Variants in TSTD2 observed in about 807,000 individuals in gnomAD.
The protein encoded by TSTD2 is thiosulfate sulfurtransferase like domain containing 2, also known as thiosulfate sulfurtransferase/rhodanese-like domain-containing protein 2.
A neutral mutation model predicts 47.9 loss-of-function variants in TSTD2; 37 were observed. That is an observed-to-expected ratio of 0.77 (90% CI 0.59 to 1.02). TSTD2 has a LOEUF of 1.02. Ranked by LOEUF, TSTD2 falls within the 50% of genes least tolerant of loss-of-function variation. The probability of loss-of-function intolerance (pLI) is 0.00; values close to 1 mark genes in which losing one functional copy is unlikely to be tolerated. For synonymous variants in TSTD2, 201 were observed against 215.9 expected (o/e 0.93, Z 0.61); for missense variants, 586 against 616.0 (o/e 0.95, Z 0.52).
chr9:97,605,380 TG>T (rs1826347460), intron 8 of TSTD2, 102 bp downstream of exon 8: 3 of 1,441,710 alleles, frequency 2.1e-6, no homozygotes, highest in African/African-American at 1.4e-5. Flanking sequence ...TTTGGCTGCC[TG>T]GGGGTGGGGA....
chr9:97,600,318 A>AG lies in TSTD2; in HGVS notation c.*2150dup. 1.0e-6 allele frequency: 1 copy of AG among 986,166 alleles called. No individual in the cohort carries two copies. The highest frequency in any genetic ancestry group is 1.2e-6 in the Non-Finnish European group (1 of 830,180). 61.1% of individuals were successfully genotyped at this position (986,166 alleles called of 1,614,324 possible). On this transcript the variant is annotated 3_prime_UTR_variant, in exon 10 of 10. Coordinates refer to ENST00000341170, the MANE Select transcript of TSTD2 (RefSeq NM_139246.5). ...CTTTTGCTGGATATGCAGAAATGAT[A>AG]GGAAAAAAACCAATGGTGAAATTTC...
At position 97,601,583 on chromosome 9, in the gene TSTD2, C is replaced by T; in HGVS notation, c.*886G>A. 1.0e-6 allele frequency: 1 copy of T among 987,454 alleles called. No homozygotes were observed. Among genetic ancestry groups the T allele is most frequent in the Non-Finnish European group, 1.2e-6 (1 of 831,358 alleles). 61.2% of individuals were successfully genotyped at this position (987,454 alleles called of 1,614,324 possible). A position where few individuals can be genotyped will look rare whatever the true frequency, so the allele number is the denominator to read the frequency against. ...TGCCTCTATCAGATGAGCTGCTGGT[C>T]TAGATCAGGGGCTGGCAAACTTTTC... On this transcript the variant is annotated 3_prime_UTR_variant, in exon 10 of 10. Coordinates refer to ENST00000341170, the MANE Select transcript of TSTD2 (RefSeq NM_139246.5).
At chr9:97,621,525 G>A (rs1441543291) in intron 3 of TSTD2, among the ~76,000 whole-genome samples, 8 of 152,150 alleles carry the variant, frequency 5.3e-5, no homozygotes, top group African/African-American at 1.7e-4. Context: ...AAGAAATATC[G>A]CTGAATTCTT....
At chr9:97,621,992 A>T (rs772495698) in intron 3 of TSTD2, among the ~76,000 whole-genome samples, 3 of 152,084 alleles carry the variant, frequency 2.0e-5, no homozygotes, top group Non-Finnish European at 4.4e-5. Flanking sequence ...CCAACATGTG[A>T]AGCGACCCCC....
intron 3 of TSTD2, among the ~76,000 whole-genome samples, chr9:97,622,851 A>G (rs1428612940): frequency 6.6e-6 from 1 of 152,188 alleles, no homozygotes; most frequent in Non-Finnish European, 1.5e-5. Context: ...GGCTGTATTT[A>G]CTCAATGCCT....
chr9:97,631,939 C>G (rs1010272047), intron 1 of TSTD2, among the ~76,000 whole-genome samples: 10 of 152,162 alleles, frequency 6.6e-5, no homozygotes, highest in Non-Finnish European at 2.9e-5. Flanking sequence ...CTGATCTCAT[C>G]TACCACTCTC....
chr9:97,602,920 CT>C (rs1437441266), intron 9 of TSTD2, 153 bp from the exon 10 acceptor site: 190 of 681,656 alleles, frequency 2.8e-4, no homozygotes, highest in Non-Finnish European at 4.1e-4. Flanking sequence ...GCAACAACAA[CT>C]AACCACCACC....
At chr9:97,618,960 A>G (rs79980044) in intron 3 of TSTD2, among the ~76,000 whole-genome samples, 4,472 of 152,288 alleles carry the variant, frequency 0.029, 228 homozygotes, top group African/African-American at 0.1. Context: ...ACCCGTTATC[A>G]TCTGCTAATT....
In TSTD2 at chr9:97,602,365, G is replaced by A; in HGVS notation, c.*104C>T. ...TGCCACGGTGGCAGCGGCCAGAACT[G>A]AAGTTCCCGATTTCTCTGTTTCTGC... On this transcript the variant is annotated 3_prime_UTR_variant, in exon 10 of 10. Transcript: ENST00000341170. 2.9e-6 allele frequency: 4 copies of A among 1,382,214 alleles called. No homozygotes were observed. The highest frequency in any genetic ancestry group is 2.8e-5 in the Admixed American group (1 of 35,178). 85.6% of individuals were successfully genotyped at this position (1,382,214 alleles called of 1,614,324 possible). A position where few individuals can be genotyped will look rare whatever the true frequency, so the allele number is the denominator to read the frequency against.
intron 3 of TSTD2, among the ~76,000 whole-genome samples, chr9:97,621,602 G>T (rs117906157): frequency 6.6e-6 from 1 of 152,176 alleles, no homozygotes; most frequent in Non-Finnish European, 1.5e-5. Flanking sequence ...GGACACTCTG[G>T]GGGTGTCTGC....
In TSTD2 at chr9:97,604,754, G is replaced by C. The variant is rs780347726; in HGVS notation, c.1225C>G (p.Leu409Val). ...GACACCACATCACTGTTGTAGGACAGAGCATAGCGTTCATCAAAAACAAAC... is the reference window on the plus strand; with the variant it reads ...GACACCACATCACTGTTGTAGGACACAGCATAGCGTTCATCAAAAACAAAC... Reference protein sequence around the residue: ...KLFVFDERYALSYNSDVVSEC... With the variant: ...KLFVFDERYAVSYNSDVVSEC... Residue 409 changes from leucine (L) to valine (V), a missense_variant, in exon 9 of 10, where the codon CTG becomes GTG. Physicochemically the swap from Leu to Val is conservative, Grantham distance 32. Transcript: ENST00000341170. 5 of 1,614,212 alleles carry C rather than the reference G, an allele frequency of 3.1e-6. No individual in the cohort carries two copies. Among genetic ancestry groups the C allele is most frequent in the African/African-American group, 2.7e-5 (2 of 75,046 alleles).
At chr9:97,613,240 T>C (rs1826487173) in intron 4 of TSTD2, among the ~76,000 whole-genome samples, 1 of 152,210 alleles carries the variant, frequency 6.6e-6, no homozygotes, top group African/African-American at 2.4e-5. Context: ...ATCTGAGGGC[T>C]GAGGGTATAC....
intron 3 of TSTD2, 74 bp downstream of exon 3, chr9:97,625,607 G>T: frequency 1.4e-6 from 2 of 1,403,906 alleles, no homozygotes; most frequent in Non-Finnish European, 1.9e-6. Flanking sequence ...CCATTTTAAT[G>T]GGTGAATTGT....
chr9:97,617,649 T>G, intron 4 of TSTD2, 108 bp downstream of exon 4: 1 of 1,384,302 alleles, frequency 7.2e-7, no homozygotes, highest in Non-Finnish European at 9.6e-7. Context: ...TCCCTAACTT[T>G]TAAGAACTCA....
chr9:97,604,586 G>A, intron 9 of TSTD2, 141 bp downstream of exon 9: 2 of 1,268,018 alleles, frequency 1.6e-6, no homozygotes, highest in Non-Finnish European at 2.1e-6. Flanking sequence ...TGGGAAAATG[G>A]TGGCACAATG....
intron 9 of TSTD2, 176 bp from the exon 10 acceptor site, chr9:97,602,943 G>A (rs977315882): frequency 3.5e-6 from 2 of 565,462 alleles, no homozygotes; most frequent in African/African-American, 1.9e-5. Flanking sequence ...CCACCACCCA[G>A]CTTATTTTTT....
Position 97,601,059 on chromosome 9 carries a change from C to T in TSTD2, c.*1410G>A. 7.7e-7 allele frequency: 1 copy of T among 1,304,062 alleles called. No individual in the cohort carries two copies. The highest frequency in any genetic ancestry group is 1.0e-6 in the Non-Finnish European group (1 of 988,842). 80.8% of individuals were successfully genotyped at this position (1,304,062 alleles called of 1,614,324 possible). On this transcript the variant is annotated 3_prime_UTR_variant, in exon 10 of 10. Transcript: ENST00000341170. ...GCGCACTGAACTGTAAGGCAGTGGGCAGTACAGGGTAACTGGAGGCGGGGC... is the reference window on the plus strand; with the variant it reads ...GCGCACTGAACTGTAAGGCAGTGGGTAGTACAGGGTAACTGGAGGCGGGGC...
chr9:97,619,504 CT>C (rs1166408009), intron 3 of TSTD2, among the ~76,000 whole-genome samples: 2 of 151,820 alleles, frequency 1.3e-5, no homozygotes, highest in Non-Finnish European at 2.9e-5. Context: ...TTACGATTTT[CT>C]TTTTTTCTTT....
intron 1 of TSTD2, among the ~76,000 whole-genome samples, chr9:97,632,644 C>G (rs766787956): frequency 1.4e-4 from 21 of 152,224 alleles, no homozygotes; most frequent in Non-Finnish European, 2.6e-4. Context: ...GTCGGCCTCC[C>G]ATAAGTGTTA....
Sources: gnomAD v4.1 joint callset for allele counts (sites outside exome capture counted in the v4.1 genomes callset) on GRCh38, gnomAD v4.1.1 for gene constraint, MANE v1.5 for transcripts, NCBI Gene and HGNC (gene_info 2026-07-23, HGNC 2026-07-21) for gene names.